The following SRRM4 variants were observed in gnomAD, a reference collection of about 807,000 sequenced individuals.
SRRM4 encodes the protein serine/arginine repetitive matrix protein 4.
Under a neutral mutation model 68.9 loss-of-function variants are expected in SRRM4, and 33 were observed. The ratio of observed to expected loss-of-function variants is 0.48; its 90% CI spans 0.36 to 0.64. The LOEUF is 0.64. SRRM4 is among the 30% of genes least tolerant of loss of function. SRRM4 has a pLI of 0.00. For missense variants in SRRM4, 817 were observed against 827.1 expected (o/e 0.99, Z 0.15); for synonymous variants, 318 against 318.8 (o/e 1.00, Z 0.03).
intron 1 of SRRM4, among the ~76,000 whole-genome samples, chr12:119,009,503 G>A (rs1293186451): frequency 6.6e-6 from 1 of 152,192 alleles, no homozygotes; most frequent in Non-Finnish European, 1.5e-5. Flanking sequence ...AGCCATCAGA[G>A]TTGCCTTCTA....
rs148301030 is a variant in SRRM4, at chr12:119,055,758, C to T, written c.132-46478C>T. 2.3e-3 allele frequency among the ~76,000 whole-genome samples: 352 copies of T among 152,336 alleles called. 1 individual carries two copies. The highest frequency in any genetic ancestry group is 8.0e-3 in the African/African-American group (334 of 41,572). ...GCCTCGAACAGCAGCAGGACCATGG[C>T]AAGTCACTTAACCTCTCTGAACTTC... On this transcript the variant is annotated intron_variant, in intron 1 of 12. Coordinates refer to ENST00000267260, the MANE Select transcript of SRRM4 (RefSeq NM_194286.4).
rs527577761 is a variant in SRRM4, at chr12:119,162,535, G to A, written c.*5737G>A. On this transcript the variant is annotated 3_prime_UTR_variant, in exon 13 of 13. Coordinates refer to ENST00000267260, the MANE Select transcript of SRRM4 (RefSeq NM_194286.4). Reference sequence around the variant, plus strand: ...AGAAAACTGAGGCTCAGGAGGGGGAGTTGACATGCCCAAGCTCCCTTGAGC... The same window carrying A: ...AGAAAACTGAGGCTCAGGAGGGGGAATTGACATGCCCAAGCTCCCTTGAGC... The A allele has an allele frequency of 6.6e-6, 1 of 152,326 alleles. No individual in the cohort carries two copies. Among genetic ancestry groups the A allele is most frequent in the African/African-American group, 2.4e-5 (1 of 41,568 alleles). The allele number at this position is 152,326 out of a possible 1,614,324, so 9.4% of individuals were successfully genotyped here.
Position 119,159,097 on chromosome 12 carries a change from A to T in SRRM4, c.*2299A>T, listed in dbSNP as rs1954493009. On this transcript the variant is annotated 3_prime_UTR_variant, in exon 13 of 13. Coordinates refer to ENST00000267260, the MANE Select transcript of SRRM4 (RefSeq NM_194286.4). ...TTTATGGATGGGATTTGAGAGGCCA[A>T]AGGTGAGTGGGCTATTGGCCTTCTC... 6.6e-6 allele frequency: 1 copy of T among 151,348 alleles called. No individual in the cohort carries two copies. The highest frequency in any genetic ancestry group is 1.5e-5 in the Non-Finnish European group (1 of 67,964). The allele number at this position is 151,348 out of a possible 1,614,324, so 9.4% of individuals were successfully genotyped here. A position where few individuals can be genotyped will look rare whatever the true frequency, so the allele number is the denominator to read the frequency against.
chr12:119,092,305 G>T lies in SRRM4; in HGVS notation c.132-9931G>T, dbSNP rs75284416. Among the ~76,000 whole-genome samples the T allele has an allele frequency of 3.9e-5, 6 of 152,128 alleles. No individual in the cohort carries two copies. The East Asian group carries it at 1.2e-3, about 30-fold the overall frequency. On this transcript the variant is annotated intron_variant, in intron 1 of 12. Transcript: ENST00000267260. ...GTCCAAATGCTATCATCTCTCAAAC[G>T]CATTTCCCTAGCTCTGATCTCTTCT... is the stretch of plus-strand genomic sequence containing the variant.
intron 1 of SRRM4, among the ~76,000 whole-genome samples, chr12:119,058,288 G>A (rs1283685020): frequency 6.6e-6 from 1 of 152,066 alleles, no homozygotes; most frequent in African/African-American, 2.4e-5. Flanking sequence ...TAAATAAAAA[G>A]GATTAACATG....
intron 7 of SRRM4, among the ~76,000 whole-genome samples, chr12:119,127,545 T>C (rs1954269530): frequency 6.6e-6 from 1 of 151,940 alleles, no homozygotes; most frequent in African/African-American, 2.4e-5. Context: ...CTGGCCAACA[T>C]AGTGAAACCT....
intron 1 of SRRM4, among the ~76,000 whole-genome samples, chr12:119,009,907 A>G (rs1434765866): frequency 6.6e-6 from 1 of 152,180 alleles, no homozygotes; most frequent in Admixed American, 6.5e-5. Flanking sequence ...TCCTGCCAGA[A>G]CAATTTTTCT....
intron 2 of SRRM4, among the ~76,000 whole-genome samples, chr12:119,112,342 A>T (rs1954150020): frequency 6.6e-6 from 1 of 152,222 alleles, no homozygotes; most frequent in Admixed American, 6.5e-5. Flanking sequence ...ATGCTTTTAC[A>T]CTATTAGTGG....
intron 1 of SRRM4, among the ~76,000 whole-genome samples, chr12:119,017,594 G>A (rs1293566722): frequency 2.0e-5 from 3 of 152,176 alleles, no homozygotes; most frequent in East Asian, 3.9e-4. Flanking sequence ...GACGTGGGTG[G>A]TGTGGCTATG....
At position 119,137,575 on chromosome 12, in the gene SRRM4, G is replaced by A. The variant is rs981622080; in HGVS notation, c.771+6741G>A. Among the ~76,000 whole-genome samples the A allele has an allele frequency of 4.0e-4, 56 of 141,758 alleles. 1 individual carries two copies. Among genetic ancestry groups the A allele is most frequent in the Non-Finnish European group, 6.5e-4 (43 of 66,450 alleles). The allele number at this position is 141,758 out of a possible 152,430, so 93.0% of individuals were successfully genotyped here. ...ATATTAAGGAACAAGGAGATGAGGC[G>A]AGGTTTGGAGTGGAGAGAGAGAGAG... On this transcript the variant is annotated intron_variant, in intron 8 of 12. Transcript: ENST00000267260.
chr12:119,008,388 G>A (rs1049749619), intron 1 of SRRM4, among the ~76,000 whole-genome samples: 2 of 151,260 alleles, frequency 1.3e-5, no homozygotes, highest in African/African-American at 2.4e-5. Context: ...TGAATAAAAA[G>A]ATTAATGTTA....
chr12:119,026,157 A>C (rs960296718), intron 1 of SRRM4, among the ~76,000 whole-genome samples: 9 of 152,050 alleles, frequency 5.9e-5, no homozygotes, highest in African/African-American at 2.2e-4. Flanking sequence ...AAGCCACAGA[A>C]GATTTTAAGC....
intron 1 of SRRM4, among the ~76,000 whole-genome samples, chr12:118,996,915 G>A (rs1006269695): frequency 1.3e-5 from 2 of 152,190 alleles, no homozygotes; most frequent in African/African-American, 2.4e-5. Flanking sequence ...TCCATTCCAA[G>A]ACTAGGTTCA....
At chr12:119,008,216 C>T (rs2135996119) in intron 1 of SRRM4, among the ~76,000 whole-genome samples, 1 of 152,052 alleles carries the variant, frequency 6.6e-6, no homozygotes, top group East Asian at 1.9e-4. Flanking sequence ...TGACAAAAGC[C>T]TCATCTCTAC....
At chr12:119,127,059 T>G (rs2136055963) in intron 7 of SRRM4, among the ~76,000 whole-genome samples, 9 of 104,758 alleles carry the variant, frequency 8.6e-5, no homozygotes, top group South Asian at 3.9e-4. Flanking sequence ...GGGACTGTTG[T>G]GGGGTTGGGG....
At chr12:119,061,630 T>C (rs1953812765) in intron 1 of SRRM4, among the ~76,000 whole-genome samples, 1 of 152,210 alleles carries the variant, frequency 6.6e-6, no homozygotes, top group East Asian at 1.9e-4. Flanking sequence ...CCAAACAATC[T>C]TCCAAGGGGT....
At chr12:119,092,554 C>T (rs1954020076) in intron 1 of SRRM4, among the ~76,000 whole-genome samples, 1 of 152,152 alleles carries the variant, frequency 6.6e-6, no homozygotes, top group African/African-American at 2.4e-5. Context: ...CTCTTTCACA[C>T]TCCATAGCCA....
At chr12:119,105,652 CT>C (rs1470271563) in intron 2 of SRRM4, among the ~76,000 whole-genome samples, 13 of 152,152 alleles carry the variant, frequency 8.5e-5, no homozygotes, top group African/African-American at 2.7e-4. Context: ...CCTTTGCCCA[CT>C]TTTTGATGGG....
intron 1 of SRRM4, among the ~76,000 whole-genome samples, chr12:119,098,362 A>T (rs564424730): frequency 1.3e-5 from 2 of 152,344 alleles, no homozygotes; most frequent in South Asian, 4.1e-4. Flanking sequence ...GCATTGGCTG[A>T]GTTACTGACC....
Sources: gnomAD v4.1 joint callset for allele counts (sites outside exome capture counted in the v4.1 genomes callset) on GRCh38, gnomAD v4.1.1 for gene constraint, MANE v1.5 for transcripts, NCBI Gene and HGNC (gene_info 2026-07-23, HGNC 2026-07-21) for gene names.